Variants in LYPLA1 observed in about 807,000 individuals in gnomAD.
LYPLA1 encodes the protein lysophospholipase 1, also known as acyl-protein thioesterase 1.
In LYPLA1, 17 loss-of-function variants were observed where a neutral mutation model predicts 34.0. That is an observed-to-expected ratio of 0.50 (90% CI 0.34 to 0.75). The LOEUF (loss-of-function observed/expected upper bound fraction) is 0.75, where lower values mean the gene tolerates loss of function less well. Among genes scored for constraint, LYPLA1 ranks in the 30% least tolerant of loss-of-function variants. The probability of loss-of-function intolerance (pLI) is 0.01; values close to 1 mark genes in which losing one functional copy is unlikely to be tolerated. For synonymous variants in LYPLA1, 98 were observed against 100.8 expected (o/e 0.97, Z 0.17); for missense variants, 203 against 288.8 (o/e 0.70, Z 2.15).
intron 2 of LYPLA1, among the ~76,000 whole-genome samples, chr8:54,099,276 A>C (rs1809928013): frequency 6.6e-6 from 1 of 152,190 alleles, no homozygotes; most frequent in South Asian, 2.1e-4. Flanking sequence ...CATTTGGTAA[A>C]ATAAGTTCAT....
chr8:54,074,425 C>A (rs1156326700), intron 2 of LYPLA1, among the ~76,000 whole-genome samples: 1 of 152,204 alleles, frequency 6.6e-6, no homozygotes, highest in Non-Finnish European at 1.5e-5. Flanking sequence ...TGCTCAGTTA[C>A]AATTTCATGC....
At chr8:54,053,095 CT>C (rs374207905) in intron 6 of LYPLA1, 4,521 of 158,528 alleles carry the variant, frequency 0.029, 2 homozygotes, top group South Asian at 0.077. Flanking sequence ...ATTGGTATTA[CT>C]TTTTTTTTTT....
chr8:54,097,202 CA>C (rs1316433291), intron 2 of LYPLA1, among the ~76,000 whole-genome samples: 1 of 152,160 alleles, frequency 6.6e-6, no homozygotes, highest in Non-Finnish European at 1.5e-5. Context: ...CCACCTTAAT[CA>C]AAAGATCGAA....
At chr8:54,101,680 G>A (rs1376052823) in intron 1 of LYPLA1, 75 bp downstream of exon 1, 6 of 1,196,766 alleles carry the variant, frequency 5.0e-6, no homozygotes, top group Non-Finnish European at 6.3e-6. Context: ...CGCCCGCAAC[G>A]CCCACCCCGC....
chr8:54,058,748 T>C (rs908813579), intron 5 of LYPLA1, among the ~76,000 whole-genome samples: 1 of 151,654 alleles, frequency 6.6e-6, no homozygotes, highest in Non-Finnish European at 1.5e-5. Context: ...CCAGCTAATT[T>C]TGTTTTTTTT....
intron 5 of LYPLA1, among the ~76,000 whole-genome samples, chr8:54,056,196 G>A (rs1806195328): frequency 6.6e-6 from 1 of 152,150 alleles, no homozygotes; most frequent in Admixed American, 6.5e-5. Context: ...ATACACTGGG[G>A]AAAAGACAGT....
chr8:54,062,460 ATTAAT>A lies in LYPLA1; in HGVS notation c.216-141_216-137del, dbSNP rs530980797. The A allele has an allele frequency of 3.7e-5, 12 of 323,426 alleles. No individual in the cohort carries two copies. The East Asian group carries it at 4.7e-4, about 13-fold the overall frequency. 20.0% of individuals were successfully genotyped at this position (323,426 alleles called of 1,614,324 possible). Reference sequence around the variant, plus strand: ...TTATTTTATTTAATTTATCTATTTAATTAATTTATTTTTTGAGACGAAGTCTCACT... The same window carrying A: ...TTATTTTATTTAATTTATCTATTTAATTATTTTTTGAGACGAAGTCTCACT... On this transcript the variant is annotated intron_variant, in intron 4 of 8. Transcript: ENST00000316963.
At chr8:54,052,838 T>C in intron 6 of LYPLA1, 82 bp from the exon 7 acceptor site, 2 of 850,086 alleles carry the variant, frequency 2.4e-6, no homozygotes, top group Non-Finnish European at 3.8e-6. Flanking sequence ...ACTAATGATA[T>C]CCATAAAAAA....
At chr8:54,063,774 T>G (rs1041291695) in intron 3 of LYPLA1, among the ~76,000 whole-genome samples, 2 of 152,234 alleles carry the variant, frequency 1.3e-5, no homozygotes, top group Non-Finnish European at 2.9e-5. Flanking sequence ...TCTCATATGC[T>G]CAGATTACAC....
intron 2 of LYPLA1, among the ~76,000 whole-genome samples, chr8:54,091,259 G>A (rs1339647962): frequency 1.3e-5 from 2 of 152,002 alleles, no homozygotes; most frequent in Non-Finnish European, 2.9e-5. Context: ...AGGCCGAGGT[G>A]GGCGGATCAC....
At chr8:54,057,499 C>T (rs1433400855) in intron 5 of LYPLA1, among the ~76,000 whole-genome samples, 2 of 152,136 alleles carry the variant, frequency 1.3e-5, no homozygotes, top group East Asian at 3.9e-4. Context: ...GAATGAGATC[C>T]AGTCATTTGC....
intron 5 of LYPLA1, among the ~76,000 whole-genome samples, chr8:54,058,361 T>G (rs1158527259): frequency 6.6e-6 from 1 of 152,134 alleles, no homozygotes; most frequent in Admixed American, 6.6e-5. Flanking sequence ...CTGGCCAACA[T>G]GGTGAAACAC....
intron 5 of LYPLA1, among the ~76,000 whole-genome samples, chr8:54,055,643 TTA>T (rs1806153113): frequency 6.9e-6 from 1 of 144,452 alleles, no homozygotes; most frequent in Non-Finnish European, 1.5e-5. Flanking sequence ...ACAATCCTAA[TTA>T]TTTTTTTTTT....
chr8:54,088,768 A>C lies in LYPLA1; in HGVS notation c.101+12140T>G, dbSNP rs566105912. Among the ~76,000 whole-genome samples, 4 of 152,342 alleles carry C rather than the reference A, an allele frequency of 2.6e-5. No individual in the cohort carries two copies. The South Asian group carries it at 8.3e-4, about 32-fold the overall frequency. ...TTATGTGAATTTTCTTAAGAGACAGAGTCTCACTATATTGCCCAGGCTAGA... is the reference window on the plus strand; with the variant it reads ...TTATGTGAATTTTCTTAAGAGACAGCGTCTCACTATATTGCCCAGGCTAGA... On this transcript the variant is annotated intron_variant, in intron 2 of 8. Transcript: ENST00000316963.
At chr8:54,093,871 C>A (rs971942425) in intron 2 of LYPLA1, among the ~76,000 whole-genome samples, 5 of 152,180 alleles carry the variant, frequency 3.3e-5, no homozygotes, top group African/African-American at 1.2e-4. Context: ...CCTTCATGGA[C>A]TTTATATGCC....
At chr8:54,083,414 T>G (rs975403339) in intron 2 of LYPLA1, among the ~76,000 whole-genome samples, 1 of 152,190 alleles carries the variant, frequency 6.6e-6, no homozygotes, top group African/African-American at 2.4e-5. Context: ...TACAAACAGT[T>G]CCCAACTTAT....
At chr8:54,065,959 T>C in intron 2 of LYPLA1, 146 bp from the exon 3 acceptor site, 2 of 626,708 alleles carry the variant, frequency 3.2e-6, no homozygotes, top group East Asian at 2.9e-5. Context: ...TTTTTTGAGA[T>C]GGCGTCTCGC....
rs1272272882 is a variant in LYPLA1, at chr8:54,101,915, A to C, written c.-92T>G. On this transcript the variant is annotated 5_prime_UTR_variant, in exon 1 of 9. Transcript: ENST00000316963. ...CGAGCGGCGAGTCCCGGCCGGCCCC[A>C]CCGGGCGCACGCTCAGGCGCGTGCG... 6 of 686,544 alleles carry C rather than the reference A, an allele frequency of 8.7e-6. No homozygotes were observed. The highest frequency in any genetic ancestry group is 1.2e-5 in the Non-Finnish European group (6 of 517,316). The allele number at this position is 686,544 out of a possible 1,614,324, so 42.5% of individuals were successfully genotyped here.
chr8:54,073,223 A>G, intron 2 of LYPLA1: 2 of 817,150 alleles, frequency 2.4e-6, no homozygotes, highest in Non-Finnish European at 4.4e-6. Flanking sequence ...AGGGAGATAC[A>G]GGACAGTAAG....
Sources: allele counts gnomAD v4.1 joint callset (sites outside exome capture counted in the v4.1 genomes callset), GRCh38; gene constraint gnomAD v4.1.1; transcripts MANE v1.5; gene names NCBI Gene and HGNC (gene_info 2026-07-23, HGNC 2026-07-21).